Variants in IFT88 observed in about 807,000 individuals in gnomAD.
IFT88 encodes the protein intraflagellar transport protein 88 homolog.
A neutral mutation model predicts 119.5 loss-of-function variants in IFT88; 74 were observed. The observed-to-expected ratio is 0.62, with a 90% CI of 0.51 to 0.75. The LOEUF (loss-of-function observed/expected upper bound fraction) is 0.75. Ranked by LOEUF, IFT88 falls within the 30% of genes least tolerant of loss-of-function variation. The probability of loss-of-function intolerance (pLI) is 0.00; values close to 1 mark genes in which losing one functional copy is unlikely to be tolerated. For missense variants in IFT88, 961 were observed against 977.7 expected (o/e 0.98, Z 0.23); for synonymous variants, 279 against 316.7 (o/e 0.88, Z 1.26).
chr13:20,631,157 T>A (rs1330824068), intron 16 of IFT88, 55 bp downstream of exon 16: 1 of 1,142,222 alleles, frequency 8.8e-7, no homozygotes, highest in Non-Finnish European at 1.3e-6. Context: ...ATTGCTAAAT[T>A]TCTGCCCAAG....
chr13:20,620,917 C>T (rs1314794005), intron 14 of IFT88, among the ~76,000 whole-genome samples: 1 of 152,130 alleles, frequency 6.6e-6, no homozygotes, highest in African/African-American at 2.4e-5. Context: ...GAGGACACAG[C>T]AAAAAGACAG....
intron 22 of IFT88, among the ~76,000 whole-genome samples, chr13:20,659,646 G>A (rs1035325091): frequency 1.4e-5 from 1 of 69,294 alleles, no homozygotes; most frequent in Non-Finnish European, 2.6e-5. Flanking sequence ...ATACTTTATG[G>A]TCTTTTTTTT....
At chr13:20,659,724 A>AC (rs1446632975) in intron 22 of IFT88, among the ~76,000 whole-genome samples, 11 of 151,788 alleles carry the variant, frequency 7.2e-5, no homozygotes, top group Admixed American at 5.9e-4. Context: ...GCTCACTGCA[A>AC]CCTCTGCTGT....
chr13:20,646,290 T>C (rs895453151), intron 20 of IFT88, among the ~76,000 whole-genome samples: 2 of 150,828 alleles, frequency 1.3e-5, no homozygotes, highest in Non-Finnish European at 3.0e-5. Flanking sequence ...TTTACACCAA[T>C]AAAATCTTTT....
At position 20,569,465 on chromosome 13, in the gene IFT88, G is replaced by C. The variant is rs552579735; in HGVS notation, c.-7+2209G>C. On this transcript the variant is annotated intron_variant, in intron 1 of 25. Transcript: ENST00000351808. Reference sequence around the variant, plus strand: ...GCGGGCGCCTGTAGTCCCAGCTGCTGGAGAGGCTGAGGCAGGAGAATGGCG... The same window carrying C: ...GCGGGCGCCTGTAGTCCCAGCTGCTCGAGAGGCTGAGGCAGGAGAATGGCG... Among the ~76,000 whole-genome samples the C allele has an allele frequency of 5.0e-4, 75 of 151,384 alleles. 1 individual carries two copies. The South Asian group carries it at 0.013, about 27-fold the overall frequency.
intron 23 of IFT88, among the ~76,000 whole-genome samples, 153 bp from the exon 24 acceptor site, chr13:20,670,820 C>CTT (rs397959694): frequency 7.0e-6 from 1 of 142,572 alleles, no homozygotes; most frequent in Non-Finnish European, 1.5e-5. Flanking sequence ...ACAACTCAGG[C>CTT]TTTTTTTTTT....
At chr13:20,643,357 C>G in intron 18 of IFT88, 98 bp from the exon 19 acceptor site, 1 of 920,810 alleles carries the variant, frequency 1.1e-6, no homozygotes, top group South Asian at 1.7e-5. Flanking sequence ...TAGCACATTA[C>G]TGTAGGCTAA....
At chr13:20,585,156 G>T (rs759333632) in intron 3 of IFT88, among the ~76,000 whole-genome samples, 1 of 152,048 alleles carries the variant, frequency 6.6e-6, no homozygotes, top group Non-Finnish European at 1.5e-5. Flanking sequence ...GTGGTTCCTT[G>T]CAATGAGTTT....
At chr13:20,681,225 C>T (rs140246138) in intron 24 of IFT88, among the ~76,000 whole-genome samples, 36 of 152,252 alleles carry the variant, frequency 2.4e-4, no homozygotes, top group African/African-American at 8.4e-4. Context: ...TGCACATGAC[C>T]GTGAAGCGTT....
intron 14 of IFT88, among the ~76,000 whole-genome samples, chr13:20,617,828 C>G (rs1594265344): frequency 1.3e-5 from 2 of 152,182 alleles, no homozygotes; most frequent in South Asian, 4.1e-4. Flanking sequence ...GAGTCTCACT[C>G]TGTCAACCAG....
chr13:20,647,534 T>A (rs2050934305), intron 20 of IFT88, among the ~76,000 whole-genome samples: 1 of 152,220 alleles, frequency 6.6e-6, no homozygotes, highest in South Asian at 2.1e-4. Context: ...AATATGATGT[T>A]TTGGCAATTG....
At chr13:20,674,724 A>ATTTTTTT (rs35617736) in intron 24 of IFT88, among the ~76,000 whole-genome samples, 1 of 73,806 alleles carries the variant, frequency 1.4e-5, no homozygotes, top group Admixed American at 1.9e-4. Flanking sequence ...ATATATATAT[A>ATTTTTTT]TTTTTTTTTT....
chr13:20,688,399 G>A (rs2058170096), intron 24 of IFT88, among the ~76,000 whole-genome samples: 1 of 152,178 alleles, frequency 6.6e-6, no homozygotes, highest in African/African-American at 2.4e-5. Flanking sequence ...TGGTTCTAAT[G>A]TAGAAAACAA....
rs9579898 is a variant in IFT88 at position 20,578,848 on chromosome 13, C to T, written c.91-4109C>T. On this transcript the variant is annotated intron_variant, in intron 2 of 25. Transcript: ENST00000351808. ...ACAGGTGTGAGCCACCGCATCCAGC[C>T]GATCCTTCACATTTCTATGGTATCA... Among the ~76,000 whole-genome samples the T allele has an allele frequency of 6.3e-3, 955 of 152,302 alleles. 8 individuals carry two copies. Among genetic ancestry groups the T allele is most frequent in the African/African-American group, 0.02 (820 of 41,566 alleles).
At chr13:20,601,033 C>T (rs998647019) in intron 11 of IFT88, among the ~76,000 whole-genome samples, 1 of 152,112 alleles carries the variant, frequency 6.6e-6, no homozygotes, top group Admixed American at 6.6e-5. Flanking sequence ...TGTATGACTC[C>T]ATTTATGTAC....
rs1268031843 is a variant in IFT88 at position 20,569,004 on chromosome 13, G to A, written c.-7+1748G>A. The stretch of plus-strand genomic sequence containing the variant: ...CAGAGTGTTGGGATTACAAGCGTGA[G>A]CCACGACGCCTGGCCCTTTTAATAA... On this transcript the variant is annotated intron_variant, in intron 1 of 25. Coordinates refer to ENST00000351808, the MANE Select transcript of IFT88 (RefSeq NM_006531.5). 3.9e-5 allele frequency among the ~76,000 whole-genome samples: 6 copies of A among 152,200 alleles called. No homozygotes were observed. The East Asian group carries it at 1.2e-3, about 30-fold the overall frequency.
chr13:20,690,075 G>A (rs2058331427), intron 24 of IFT88, among the ~76,000 whole-genome samples: 1 of 152,134 alleles, frequency 6.6e-6, no homozygotes, highest in South Asian at 2.1e-4. Flanking sequence ...AGACCATCTT[G>A]TTCTGATTTA....
intron 14 of IFT88, among the ~76,000 whole-genome samples, chr13:20,618,994 C>T (rs2046087116): frequency 6.6e-6 from 1 of 151,820 alleles, no homozygotes; most frequent in Admixed American, 6.6e-5. Context: ...GTAGCTGGGA[C>T]TACAGGCGCA....
chr13:20,686,298 A>G (rs1419145491), intron 24 of IFT88, among the ~76,000 whole-genome samples: 1 of 152,230 alleles, frequency 6.6e-6, no homozygotes, highest in Non-Finnish European at 1.5e-5. Flanking sequence ...AATAATGTTC[A>G]TACAGAAATC....
Sources: gnomAD v4.1 joint callset for allele counts (sites outside exome capture counted in the v4.1 genomes callset) on GRCh38, gnomAD v4.1.1 for gene constraint, MANE v1.5 for transcripts, NCBI Gene and HGNC (gene_info 2026-07-23, HGNC 2026-07-21) for gene names.